Variants in PVALEF observed in about 807,000 individuals in gnomAD.
The protein encoded by PVALEF is parvalbumin-like EF-hand-containing protein.
A neutral mutation model predicts 1.2 loss-of-function variants in PVALEF; 2 were observed. That is an observed-to-expected ratio of 1.68 (90% CI 0.69 to 5.28). The LOEUF is 5.28. Among genes scored for constraint, PVALEF ranks in the 30% most tolerant of loss-of-function variants. The pLI is 0.06. For synonymous variants in PVALEF, 16 were observed against 6.5 expected (o/e 2.47, Z -2.24); for missense variants, 35 against 17.7 (o/e 1.97, Z -1.75).
intron 6 of PVALEF, among the ~76,000 whole-genome samples, chr17:81,182,393 C>G (rs1278301625): frequency 6.6e-6 from 1 of 152,196 alleles, no homozygotes. Flanking sequence ...GAGGTCTGGG[C>G]CATCTCACCC....
chr17:81,176,869 T>C (rs1291351900), intron 2 of PVALEF, among the ~76,000 whole-genome samples: 1 of 151,236 alleles, frequency 6.6e-6, no homozygotes, highest in Non-Finnish European at 1.5e-5. Flanking sequence ...CCAGGATCCA[T>C]GAACAGGCAA....
chr17:81,166,055 G>T, intron 1 of PVALEF: 13 of 1,190,600 alleles, frequency 1.1e-5, no homozygotes, highest in Non-Finnish European at 1.4e-5. Flanking sequence ...CCGCGGCCCC[G>T]GCCCGAGCCG....
rs746820703 is a variant in PVALEF at position 81,166,033 on chromosome 17, C to CGCTCAGGA, written c.-508+287_-508+294dup. ...CGGCGGGCATCCCGGGAGGGCGCTG[C>CGCTCAGGA]GCTCAGGACGCCCGCGGCCCCGGCC... On this transcript the variant is annotated intron_variant, in intron 1 of 6. Coordinates refer to ENST00000637878, the MANE Select transcript of PVALEF (RefSeq NM_001354639.2). 19 of 1,452,012 alleles carry CGCTCAGGA rather than the reference C, an allele frequency of 1.3e-5. No homozygotes were observed. In the South Asian group the frequency reaches 2.3e-4, roughly 17 times the overall value. The allele number at this position is 1,452,012 out of a possible 1,614,324, so 89.9% of individuals were successfully genotyped here. A position where few individuals can be genotyped will look rare whatever the true frequency, so the allele number is the denominator to read the frequency against.
At position 81,181,747 on chromosome 17, in the gene PVALEF, G is replaced by A. The variant is rs775486940; in HGVS notation, c.242+53G>A. 9.8e-5 allele frequency: 39 copies of A among 398,970 alleles called. No individual in the cohort carries two copies. In the East Asian group the frequency reaches 1.1e-3, roughly 11 times the overall value. The allele number at this position is 398,970 out of a possible 1,614,324, so 24.7% of individuals were successfully genotyped here. On this transcript the variant is annotated intron_variant, in intron 5 of 6. Transcript: ENST00000637878. ...GGGCCCAGGCCACCCAGACCACGCC[G>A]AATGCCCACATGGCGGACCCGGCCT...
intron 2 of PVALEF, among the ~76,000 whole-genome samples, chr17:81,170,794 G>C (rs2061518065): frequency 6.6e-6 from 1 of 152,124 alleles, no homozygotes; most frequent in African/African-American, 2.4e-5. Flanking sequence ...CCTGCAGTGG[G>C]CACCCCCCCA....
At chr17:81,165,777 C>T (rs1236776775) in intron 1 of PVALEF, 30 bp downstream of exon 1, 1 of 1,508,198 alleles carries the variant, frequency 6.6e-7, no homozygotes. Context: ...GCCTGCCCCT[C>T]CGAGATCTGG....
intron 6 of PVALEF, 46 bp from the exon 7 acceptor site, chr17:81,182,919 G>A (rs1238500726): frequency 5.0e-6 from 2 of 398,432 alleles, no homozygotes; most frequent in Non-Finnish European, 8.8e-6. Flanking sequence ...AGGAACTGGG[G>A]GACACAAAAC....
intron 2 of PVALEF, among the ~76,000 whole-genome samples, chr17:81,173,159 G>T (rs544660265): frequency 6.6e-6 from 1 of 152,130 alleles, no homozygotes; most frequent in Non-Finnish European, 1.5e-5. Flanking sequence ...GAGGGGAGAG[G>T]TGCTCGCAGA....
intron 6 of PVALEF, among the ~76,000 whole-genome samples, chr17:81,182,747 G>A (rs969947364): frequency 1.4e-4 from 21 of 152,230 alleles, no homozygotes; most frequent in Non-Finnish European, 2.5e-4. Flanking sequence ...AACTTGTGAC[G>A]ACCAAGCAGC....
chr17:81,167,789 G>A (rs1356203540), intron 2 of PVALEF, among the ~76,000 whole-genome samples: 10 of 152,230 alleles, frequency 6.6e-5, no homozygotes, highest in Non-Finnish European at 1.3e-4. Context: ...TCTAAGGGGC[G>A]CTGCCGCCAG....
intron 2 of PVALEF, among the ~76,000 whole-genome samples, chr17:81,169,050 T>C (rs908058160): frequency 1.3e-5 from 2 of 152,096 alleles, no homozygotes; most frequent in African/African-American, 4.8e-5. Context: ...CCACAGAGTG[T>C]GTGATTCCAC....
At chr17:81,169,926 ATG>A (rs199726549) in intron 2 of PVALEF, among the ~76,000 whole-genome samples, 1,583 of 150,470 alleles carry the variant, frequency 0.011, 35 homozygotes, top group African/African-American at 0.036. Flanking sequence ...TTGTGTGTGC[ATG>A]TGTGTCTGCA....
At chr17:81,180,416 T>A (rs1425450220) in intron 3 of PVALEF, among the ~76,000 whole-genome samples, 4 of 151,862 alleles carry the variant, frequency 2.6e-5, no homozygotes. Flanking sequence ...GCGGGGCCTG[T>A]CCTGAGGGCC....
At chr17:81,169,062 T>C (rs1053561561) in intron 2 of PVALEF, among the ~76,000 whole-genome samples, 16 of 152,274 alleles carry the variant, frequency 1.1e-4, no homozygotes, top group East Asian at 3.9e-4. Flanking sequence ...TGATTCCACT[T>C]GTATGAAATG....
rs574370477 is a variant in PVALEF, at chr17:81,166,904, C to A, written c.-340+60C>A. ...GGGCCATCCCTTCCCCTATGTTTCT[C>A]CCAGGATCCCCCATCCCCGCCCAAA... On this transcript the variant is annotated intron_variant, in intron 2 of 6. Transcript: ENST00000637878. 5 of 333,544 alleles carry A rather than the reference C, an allele frequency of 1.5e-5. No individual in the cohort carries two copies. In the Admixed American group the frequency reaches 1.9e-4, roughly 13 times the overall value. 20.7% of individuals were successfully genotyped at this position (333,544 alleles called of 1,614,324 possible).
chr17:81,167,313 G>A (rs2061500873), intron 2 of PVALEF, among the ~76,000 whole-genome samples: 1 of 151,938 alleles, frequency 6.6e-6, no homozygotes, highest in Admixed American at 6.5e-5. Flanking sequence ...CTGGAGACTT[G>A]CAGTTGAGTT....
chr17:81,166,759 T>C lies in PVALEF; in HGVS notation c.-425T>C, dbSNP rs938647781. On this transcript the variant is annotated 5_prime_UTR_variant, in exon 2 of 7. Coordinates refer to ENST00000637878, the MANE Select transcript of PVALEF (RefSeq NM_001354639.2). ...CTGGTGGAGTGGGGGTGGCTGGCTT[T>C]GCACACAGGCCTGCTCCTGTACCGT... The C allele has an allele frequency of 3.3e-5, 15 of 456,524 alleles. No homozygotes were observed. The highest frequency in any genetic ancestry group is 5.7e-5 in the Non-Finnish European group (13 of 226,858). 28.3% of individuals were successfully genotyped at this position (456,524 alleles called of 1,614,324 possible).
At chr17:81,174,990 T>C (rs1470519017) in intron 2 of PVALEF, among the ~76,000 whole-genome samples, 1 of 150,960 alleles carries the variant, frequency 6.6e-6, no homozygotes, top group Non-Finnish European at 1.5e-5. Flanking sequence ...AATGATATGA[T>C]GTTATATGTA....
In PVALEF at chr17:81,167,232, G is replaced by A. The variant is rs568003940; in HGVS notation, c.-340+388G>A. On this transcript the variant is annotated intron_variant, in intron 2 of 6. Transcript: ENST00000637878. The stretch of plus-strand genomic sequence containing the variant: ...CACTTGAGCCTGGGAGTTAGAGGCC[G>A]CAGTGAGCCAAGATGGCACCACTGC... 8.4e-4 allele frequency among the ~76,000 whole-genome samples: 128 copies of A among 152,314 alleles called. 1 individual carries two copies. Among genetic ancestry groups the A allele is most frequent in the African/African-American group, 2.7e-3 (114 of 41,570 alleles).
Sources: allele counts gnomAD v4.1 joint callset (sites outside exome capture counted in the v4.1 genomes callset), GRCh38; gene constraint gnomAD v4.1.1; transcripts MANE v1.5; gene names NCBI Gene and HGNC (gene_info 2026-07-23, HGNC 2026-07-21).